Variants in PDE1A observed in about 807,000 individuals in gnomAD.
The protein encoded by PDE1A is phosphodiesterase 1A.
Under a neutral mutation model 61.7 loss-of-function variants are expected in PDE1A, and 35 were observed. The ratio of observed to expected loss-of-function variants is 0.57; its 90% CI spans 0.43 to 0.75. The LOEUF is 0.75. Among genes scored for constraint, PDE1A ranks in the 30% least tolerant of loss-of-function variants. PDE1A has a pLI of 0.00. For synonymous variants in PDE1A, 232 were observed against 213.2 expected, an observed-to-expected ratio of 1.09 and a Z score of -0.77; for missense variants, 597 against 630.6, an observed-to-expected ratio of 0.95 and a Z score of 0.57.
In PDE1A at chr2:182,305,324, A is replaced by AT. The variant is rs372169456; in HGVS notation, c.54-40911dup. 1.6e-3 allele frequency among the ~76,000 whole-genome samples: 239 copies of AT among 145,820 alleles called. 1 individual carries two copies. Among genetic ancestry groups the AT allele is most frequent in the Middle Eastern group, 7.0e-3 (2 of 284 alleles). On this transcript the variant is annotated intron_variant, in intron 1 of 13. Transcript: ENST00000351439. ...TTTTCCTCTACATCATGAATAAGCC[A>AT]TTTTTTTTTTTCTTTAAAGGGCCAA...
chr2:182,224,459 G>A (rs528824479), intron 6 of PDE1A, among the ~76,000 whole-genome samples: 1 of 151,898 alleles, frequency 6.6e-6, no homozygotes, highest in South Asian at 2.1e-4. Flanking sequence ...AGATTTAGAA[G>A]TTTCTGAAAT....
At chr2:182,538,071 CAACATACA>C in the PDE1A span, among the ~76,000 whole-genome samples, 1 of 152,282 alleles carries the variant, frequency 6.6e-6, no homozygotes, top group South Asian at 2.1e-4. Flanking sequence ...TCTATGCCTT[CAACATACA>C]AAACTCTTTC....
intron 1 of PDE1A, among the ~76,000 whole-genome samples, chr2:182,281,636 C>T (rs1248333415): frequency 6.6e-6 from 1 of 151,872 alleles, no homozygotes; most frequent in Non-Finnish European, 1.5e-5. Context: ...CTTTTACAGC[C>T]AGAAGAGAAC....
the PDE1A span, among the ~76,000 whole-genome samples, chr2:182,703,481 TC>T: frequency 6.6e-6 from 1 of 152,142 alleles, no homozygotes; most frequent in Admixed American, 6.5e-5. Flanking sequence ...AGGACCCAGC[TC>T]CCGGGTTGGG....
At chr2:182,192,616 T>A (rs558675851) in intron 10 of PDE1A, among the ~76,000 whole-genome samples, 2 of 152,172 alleles carry the variant, frequency 1.3e-5, no homozygotes, top group South Asian at 4.2e-4. Context: ...GAAAGAAGAA[T>A]TTATATTTTT....
At chr2:182,145,510 C>G (rs1483095388), downstream of PDE1A, among the ~76,000 whole-genome samples, 2 of 152,108 alleles carry the variant, frequency 1.3e-5, no homozygotes, top group Non-Finnish European at 1.5e-5. Flanking sequence ...GACGGATTGC[C>G]TGAGCTCAGG....
chr2:182,375,543 A>G (rs1700353090), intron 1 of PDE1A, among the ~76,000 whole-genome samples: 1 of 152,174 alleles, frequency 6.6e-6, no homozygotes, highest in Non-Finnish European at 1.5e-5. Flanking sequence ...GTGGCTTTGC[A>G]GGGTACTGTC....
chr2:182,458,959 C>A (rs1368380377), intron 2 of PDE1A, among the ~76,000 whole-genome samples: 1 of 152,076 alleles, frequency 6.6e-6, no homozygotes, highest in East Asian at 1.9e-4. Context: ...TTAAGCTTAT[C>A]AATATCTTCT....
chr2:182,147,192 A>C, intron 13 of PDE1A, 40 bp from the exon 14 acceptor site: 1 of 1,232,208 alleles, frequency 8.1e-7, no homozygotes, highest in South Asian at 1.3e-5. Context: ...AAAACAAAAT[A>C]AGGCTTTGGA....
intron 2 of PDE1A, among the ~76,000 whole-genome samples, chr2:182,259,228 C>T (rs1692053410): frequency 6.6e-6 from 1 of 152,142 alleles, no homozygotes; most frequent in Non-Finnish European, 1.5e-5. Flanking sequence ...CAAAAGTCAA[C>T]TGATGTTTTT....
At chr2:182,341,635 G>A (rs1698191505) in intron 1 of PDE1A, among the ~76,000 whole-genome samples, 1 of 152,178 alleles carries the variant, frequency 6.6e-6, no homozygotes, top group Non-Finnish European at 1.5e-5. Context: ...TCTTACTTAT[G>A]AAATTTTCTT....
chr2:182,341,333 A>C (rs1402769090), intron 1 of PDE1A, among the ~76,000 whole-genome samples: 1 of 152,200 alleles, frequency 6.6e-6, no homozygotes, highest in Admixed American at 6.5e-5. Context: ...TGATGAAGTC[A>C]TTTGTATGAG....
the PDE1A span, among the ~76,000 whole-genome samples, chr2:182,619,063 G>A: frequency 6.6e-6 from 1 of 150,722 alleles, no homozygotes; most frequent in Non-Finnish European, 1.5e-5. Flanking sequence ...GCGGGTGAGC[G>A]GGGGCAGGGT....
intron 2 of PDE1A, among the ~76,000 whole-genome samples, chr2:182,490,531 A>G (rs1688316465): frequency 6.6e-6 from 1 of 151,970 alleles, no homozygotes; most frequent in Non-Finnish European, 1.5e-5. Flanking sequence ...CACCACGCCC[A>G]GCTAATTTTG....
chr2:182,186,380 T>C (rs548626019), intron 12 of PDE1A, 88 bp downstream of exon 12: 1 of 1,433,362 alleles, frequency 7.0e-7, no homozygotes, highest in Non-Finnish European at 9.6e-7. Flanking sequence ...GAGAATTCTC[T>C]GCCTAGATGT....
At chr2:182,288,075 G>A (rs1694284386) in intron 1 of PDE1A, among the ~76,000 whole-genome samples, 1 of 152,050 alleles carries the variant, frequency 6.6e-6, no homozygotes, top group Non-Finnish European at 1.5e-5. Flanking sequence ...AACAATGAAA[G>A]ACATTTATTA....
chr2:182,184,259 C>G (rs1176541634), intron 13 of PDE1A, among the ~76,000 whole-genome samples: 1 of 61,050 alleles, frequency 1.6e-5, no homozygotes, highest in African/African-American at 8.0e-5. Context: ...AAGTAGAATA[C>G]TGAAAAAAAA....
intron 2 of PDE1A, among the ~76,000 whole-genome samples, chr2:182,488,268 G>C (rs1688149981): frequency 6.6e-6 from 1 of 152,134 alleles, no homozygotes; most frequent in South Asian, 2.1e-4. Flanking sequence ...CAATTAAAAT[G>C]ACTATAGCAC....
chr2:182,212,208 C>G (rs200225540), intron 7 of PDE1A, among the ~76,000 whole-genome samples: 1 of 106,430 alleles, frequency 9.4e-6, no homozygotes, highest in Admixed American at 9.7e-5. Flanking sequence ...ATATATATTA[C>G]GTACGAGATA....
Sources: gnomAD v4.1 joint callset for allele counts (sites outside exome capture counted in the v4.1 genomes callset) on GRCh38, gnomAD v4.1.1 for gene constraint, MANE v1.5 for transcripts, NCBI Gene and HGNC (gene_info 2026-07-23, HGNC 2026-07-21) for gene names.